The following KIRREL3 variants were observed in gnomAD, a reference collection of about 807,000 sequenced individuals.
KIRREL3 encodes kirre like nephrin family adhesion molecule 3.
KIRREL3 carries 36 observed loss-of-function variants against 89.7 expected under a neutral mutation model. That is an observed-to-expected ratio of 0.40 (90% CI 0.31 to 0.53). The LOEUF is 0.53. Among genes scored for constraint, KIRREL3 ranks in the 20% least tolerant of loss-of-function variants. The pLI, the probability that KIRREL3 is intolerant of heterozygous loss-of-function variation, is 0.49. For synonymous variants in KIRREL3, 445 were observed against 441.4 expected (o/e 1.01, Z -0.10); for missense variants, 864 against 1,056.6 (o/e 0.82, Z 2.53).
chr11:126,581,069 G>A (rs938441216), intron 1 of KIRREL3, among the ~76,000 whole-genome samples: 2 of 152,106 alleles, frequency 1.3e-5, no homozygotes, highest in African/African-American at 4.8e-5. Flanking sequence ...GAACATGGAG[G>A]CAGGACAGCA....
Position 126,783,746 on chromosome 11 carries a change from G to C in KIRREL3, c.55+216709C>G, listed in dbSNP as rs144199510. Among the ~76,000 whole-genome samples the C allele has an allele frequency of 1.1e-4, 17 of 152,360 alleles. 1 individual carries two copies. In the East Asian group the frequency reaches 2.7e-3, roughly 24 times the overall value. On this transcript the variant is annotated intron_variant, in intron 1 of 16. Transcript: ENST00000525144. The surrounding 1 kb of genome is among the most constrained non-coding windows in gnomAD (Gnocchi z 4.3). ...ACGTAGATGCCTTGCCCTCAAAGAA[G>C]TAGAGTATAGCTTCCCGCTCCTTAA...
At position 126,668,629 on chromosome 11, in the gene KIRREL3, G is replaced by T. The variant is rs1052573371; in HGVS notation, c.56-105717C>A. On this transcript the variant is annotated intron_variant, in intron 1 of 16. Coordinates refer to ENST00000525144, the MANE Select transcript of KIRREL3 (RefSeq NM_032531.4). The surrounding 1 kb of genome is among the most constrained non-coding windows in gnomAD (Gnocchi z 4.4). ...GATGACAGAGAGGCCCCCCTTCTCG[G>T]TTTTCTCAGATAGCATGCCATTTGC... 6.6e-6 allele frequency among the ~76,000 whole-genome samples: 1 copy of T among 152,060 alleles called. No homozygotes were observed. The highest frequency in any genetic ancestry group is 6.6e-5 in the Admixed American group (1 of 15,262).
intron 1 of KIRREL3, among the ~76,000 whole-genome samples, chr11:126,930,306 C>T (rs188497158): frequency 6.6e-6 from 1 of 152,216 alleles, no homozygotes; most frequent in African/African-American, 2.4e-5. Context: ...CATGAATGAA[C>T]CTCATTGTGT....
In KIRREL3 at chr11:126,526,782, G is replaced by C. The variant is rs958164594; in HGVS notation, c.134-95C>G. The C allele has an allele frequency of 7.5e-7, 1 of 1,341,228 alleles. No individual in the cohort carries two copies. The highest frequency in any genetic ancestry group is 1.0e-6 in the Non-Finnish European group (1 of 976,520). 83.1% of individuals were successfully genotyped at this position (1,341,228 alleles called of 1,614,324 possible). ...ATGGAAGCAGAGCAGGGCTGGCGCA[G>C]GAGACTGAGCCTCCTGAAGCACCTG... On this transcript the variant is annotated intron_variant, in intron 2 of 16. Transcript: ENST00000525144. This position sits in a 1 kb window ranked among gnomAD's most constrained non-coding sequence, Gnocchi z 5.7.
rs949674740 is a variant in KIRREL3 at position 126,647,028 on chromosome 11, G to A, written c.56-84116C>T. Reference sequence around the variant, plus strand: ...TATAAACTGAATTTTTATTCCTACAGCAATTTAGTAATGATGATGACACTT... The same window carrying A: ...TATAAACTGAATTTTTATTCCTACAACAATTTAGTAATGATGATGACACTT... On this transcript the variant is annotated intron_variant, in intron 1 of 16. Transcript: ENST00000525144. This position sits in a 1 kb window ranked among gnomAD's most constrained non-coding sequence, Gnocchi z 4.9. 3.9e-5 allele frequency among the ~76,000 whole-genome samples: 6 copies of A among 152,098 alleles called. No homozygotes were observed. The highest frequency in any genetic ancestry group is 3.3e-4 in the Admixed American group (5 of 15,264).
intron 1 of KIRREL3, among the ~76,000 whole-genome samples, chr11:126,944,697 C>T (rs1195791199): frequency 1.3e-5 from 2 of 152,196 alleles, no homozygotes; most frequent in African/African-American, 4.8e-5. Context: ...TACACCCACA[C>T]CTGCAAACCT....
At position 126,736,101 on chromosome 11, in the gene KIRREL3, C is replaced by CT. The variant is rs146970790; in HGVS notation, c.56-173190dup. On this transcript the variant is annotated intron_variant, in intron 1 of 16. Transcript: ENST00000525144. This position sits in a 1 kb window ranked among gnomAD's most constrained non-coding sequence, Gnocchi z 5.0. ...GTTGAATACATTTATTAGTTTCTTT[C>CT]TTTCCATAGCTACTGCTGCTGGCTA... Among the ~76,000 whole-genome samples, 1,409 of 152,256 alleles carry CT rather than the reference C, an allele frequency of 9.3e-3. 32 individuals are homozygous for CT. The highest frequency in any genetic ancestry group is 0.033 in the African/African-American group (1,362 of 41,566).
rs1261583467 is a variant in KIRREL3 at position 126,441,761 on chromosome 11, G to A, written c.1253-1212C>T. Among the ~76,000 whole-genome samples, 1 of 152,216 alleles carries A rather than the reference G, an allele frequency of 6.6e-6. No homozygotes were observed. The highest frequency in any genetic ancestry group is 1.5e-5 in the Non-Finnish European group (1 of 68,044). On this transcript the variant is annotated intron_variant, in intron 10 of 16. Coordinates refer to ENST00000525144, the MANE Select transcript of KIRREL3 (RefSeq NM_032531.4). The surrounding 1 kb of genome is among the most constrained non-coding windows in gnomAD (Gnocchi z 5.0). ...GAGAAAAGGTACTGTAGACACTCCAGTGACTTCTGTTGAGTTTGAGAAGGC... is the reference window on the plus strand; with the variant it reads ...GAGAAAAGGTACTGTAGACACTCCAATGACTTCTGTTGAGTTTGAGAAGGC...
At position 126,623,482 on chromosome 11, in the gene KIRREL3, G is replaced by C. The variant is rs573836755; in HGVS notation, c.56-60570C>G. Among the ~76,000 whole-genome samples, 1 of 152,110 alleles carries C rather than the reference G, an allele frequency of 6.6e-6. No homozygotes were observed. ...TATGTTGGTATTCTGTGATGTACGC[G>C]GCTCTGTGTGCTGGTGAGATTTTGT... On this transcript the variant is annotated intron_variant, in intron 1 of 16. Coordinates refer to ENST00000525144, the MANE Select transcript of KIRREL3 (RefSeq NM_032531.4). The surrounding 1 kb of genome is among the most constrained non-coding windows in gnomAD (Gnocchi z 4.1).
In KIRREL3 at chr11:126,807,561, C is replaced by T. The variant is rs754955750; in HGVS notation, c.55+192894G>A. On this transcript the variant is annotated intron_variant, in intron 1 of 16. Transcript: ENST00000525144. The surrounding 1 kb of genome is among the most constrained non-coding windows in gnomAD (Gnocchi z 4.3). Reference sequence around the variant, plus strand: ...GCACCACGGTAGGGAACACAGGTTTCGTGCATTCATAGACACACGGAACCT... The same window carrying T: ...GCACCACGGTAGGGAACACAGGTTTTGTGCATTCATAGACACACGGAACCT... Among the ~76,000 whole-genome samples, 1 of 152,206 alleles carries T rather than the reference C, an allele frequency of 6.6e-6. No individual in the cohort carries two copies. Among genetic ancestry groups the T allele is most frequent in the Non-Finnish European group, 1.5e-5 (1 of 68,036 alleles).
rs1046214379 is a variant in KIRREL3, at chr11:126,689,583, G to A, written c.56-126671C>T. Among the ~76,000 whole-genome samples the A allele has an allele frequency of 9.2e-5, 14 of 152,160 alleles. No homozygotes were observed. Among genetic ancestry groups the A allele is most frequent in the African/African-American group, 3.1e-4 (13 of 41,430 alleles). On this transcript the variant is annotated intron_variant, in intron 1 of 16. Transcript: ENST00000525144. This position sits in a 1 kb window ranked among gnomAD's most constrained non-coding sequence, Gnocchi z 5.2. ...CCTTGACACTCCCAAGTGTAGACAT[G>A]CCTGATTATTCTATCCAAACCCAGC...
At chr11:126,863,786 G>C (rs1272817782) in intron 1 of KIRREL3, among the ~76,000 whole-genome samples, 1 of 152,154 alleles carries the variant, frequency 6.6e-6, no homozygotes, top group African/African-American at 2.4e-5. Flanking sequence ...TGGGTTTTCA[G>C]GGGGGATTTT....
Position 126,995,382 on chromosome 11 carries a change from C to T in KIRREL3, c.55+5073G>A, listed in dbSNP as rs1476585655. ...TTCTCCACTGATGAATTAGAACACCCCTCTTCCCAGGCACAGGACGAGTTC... is the reference window on the plus strand; with the variant it reads ...TTCTCCACTGATGAATTAGAACACCTCTCTTCCCAGGCACAGGACGAGTTC... On this transcript the variant is annotated intron_variant, in intron 1 of 16. Coordinates refer to ENST00000525144, the MANE Select transcript of KIRREL3 (RefSeq NM_032531.4). The surrounding 1 kb of genome is among the most constrained non-coding windows in gnomAD (Gnocchi z 6.5). 1 of 455,408 alleles carries T rather than the reference C, an allele frequency of 2.2e-6. No homozygotes were observed. Among genetic ancestry groups the T allele is most frequent in the Non-Finnish European group, 4.4e-6 (1 of 226,274 alleles). The allele number at this position is 455,408 out of a possible 1,614,324, so 28.2% of individuals were successfully genotyped here. A position where few individuals can be genotyped will look rare whatever the true frequency, so the allele number is the denominator to read the frequency against.
intron 4 of KIRREL3, among the ~76,000 whole-genome samples, chr11:126,499,588 C>T (rs961170992): frequency 9.2e-5 from 14 of 152,324 alleles, no homozygotes; most frequent in African/African-American, 4.8e-5. Flanking sequence ...GGCTGACATC[C>T]GACTACACTT....
chr11:126,976,580 G>A lies in KIRREL3; in HGVS notation c.55+23875C>T, dbSNP rs934176631. ...TGGTACCAGGATCATATTTTCAAAC[G>A]GTTTCAGTGTTCTGGGAAGTTAATT... is the stretch of plus-strand genomic sequence containing the variant. On this transcript the variant is annotated intron_variant, in intron 1 of 16. Transcript: ENST00000525144. This position sits in a 1 kb window ranked among gnomAD's most constrained non-coding sequence, Gnocchi z 4.2. Among the ~76,000 whole-genome samples the A allele has an allele frequency of 3.9e-5, 6 of 151,950 alleles. No homozygotes were observed. Among genetic ancestry groups the A allele is most frequent in the Non-Finnish European group, 7.4e-5 (5 of 67,972 alleles).
Position 126,521,235 on chromosome 11 carries a change from T to C in KIRREL3, c.433+80A>G, listed in dbSNP as rs573227534. 50 of 1,419,160 alleles carry C rather than the reference T, an allele frequency of 3.5e-5. No homozygotes were observed. In the Middle Eastern group the frequency reaches 7.2e-4, roughly 20 times the overall value. The allele number at this position is 1,419,160 out of a possible 1,614,324, so 87.9% of individuals were successfully genotyped here. A position where few individuals can be genotyped will look rare whatever the true frequency, so the allele number is the denominator to read the frequency against. On this transcript the variant is annotated intron_variant, in intron 4 of 16. Coordinates refer to ENST00000525144, the MANE Select transcript of KIRREL3 (RefSeq NM_032531.4). The surrounding 1 kb of genome is among the most constrained non-coding windows in gnomAD (Gnocchi z 4.1). ...CCCCAGAGGGGAGTCTCCCCATGTCTGACCAAAAAAATACCCTCTTGGAGC... is the reference window on the plus strand; with the variant it reads ...CCCCAGAGGGGAGTCTCCCCATGTCCGACCAAAAAAATACCCTCTTGGAGC...
Position 126,430,519 on chromosome 11 carries a change from G to A in KIRREL3, c.1696+900C>T, listed in dbSNP as rs112101397. On this transcript the variant is annotated intron_variant, in intron 14 of 16. Transcript: ENST00000525144. This position sits in a 1 kb window ranked among gnomAD's most constrained non-coding sequence, Gnocchi z 6.6. ...TATGCTTCCCTATAATTTCCACTGA[G>A]ACGGTGGTGATGGAGGTCCTGAGAC... Among the ~76,000 whole-genome samples the A allele has an allele frequency of 2.4e-3, 367 of 152,270 alleles. No individual in the cohort carries two copies. Among genetic ancestry groups the A allele is most frequent in the African/African-American group, 3.4e-3 (142 of 41,546 alleles).
intron 1 of KIRREL3, among the ~76,000 whole-genome samples, chr11:126,947,144 T>A (rs1057065059): frequency 3.3e-5 from 5 of 152,162 alleles, no homozygotes; most frequent in African/African-American, 1.2e-4. Context: ...ACTTAGCTCC[T>A]CTCGTTTATG....
chr11:126,668,963 G>A lies in KIRREL3; in HGVS notation c.56-106051C>T, dbSNP rs766785564. Among the ~76,000 whole-genome samples the A allele has an allele frequency of 6.6e-6, 1 of 152,058 alleles. No individual in the cohort carries two copies. Among genetic ancestry groups the A allele is most frequent in the Non-Finnish European group, 1.5e-5 (1 of 68,012 alleles). ...GGTGCTGGGTACTGACAGTAAGAGT[G>A]TCCAGGATGAGGGAATGCATGTTTC... On this transcript the variant is annotated intron_variant, in intron 1 of 16. Transcript: ENST00000525144. The surrounding 1 kb of genome is among the most constrained non-coding windows in gnomAD (Gnocchi z 4.4).
Sources: gnomAD v4.1 joint callset for allele counts (sites outside exome capture counted in the v4.1 genomes callset) on GRCh38, gnomAD v4.1.1 for gene constraint, Gnocchi (gnomAD v3.1) non-coding constraint, MANE v1.5 for transcripts, NCBI Gene and HGNC (gene_info 2026-07-23, HGNC 2026-07-21) for gene names.